Variants in SMARCC1 observed in about 807,000 individuals in gnomAD.
SMARCC1 encodes SWI/SNF complex subunit SMARCC1.
SMARCC1 carries 43 observed loss-of-function variants against 147.4 expected under a neutral mutation model. The observed-to-expected ratio is 0.29, with a 90% CI of 0.23 to 0.38. The LOEUF (loss-of-function observed/expected upper bound fraction) is 0.38. Among genes scored for constraint, SMARCC1 ranks in the 10% least tolerant of loss-of-function variants. The pLI is 1.00. For synonymous variants in SMARCC1, 495 were observed against 484.4 expected (o/e 1.02, Z -0.29); for missense variants, 1,119 against 1,381.1 (o/e 0.81, Z 3.01).
intron 21 of SMARCC1, among the ~76,000 whole-genome samples, chr3:47,642,159 A>G (rs1446556615): frequency 6.6e-6 from 1 of 152,232 alleles, no homozygotes. Flanking sequence ...GCAAAATGGA[A>G]GAAAACATGT....
At chr3:47,767,300 G>A (rs1328989021) in intron 2 of SMARCC1, among the ~76,000 whole-genome samples, 2 of 146,922 alleles carry the variant, frequency 1.4e-5, no homozygotes, top group East Asian at 2.1e-4. Flanking sequence ...AGTGCAATGG[G>A]CACAATCTCG....
chr3:47,588,028 A>C lies in SMARCC1; in HGVS notation c.*181T>G. 1.7e-6 allele frequency: 1 copy of C among 587,298 alleles called. No homozygotes were observed. Among genetic ancestry groups the C allele is most frequent in the Non-Finnish European group, 3.0e-6 (1 of 330,630 alleles). The allele number at this position is 587,298 out of a possible 1,614,324, so 36.4% of individuals were successfully genotyped here. ...GTTTCCCCTTGAGTGTTGGCTGAGG[A>C]CCCAACACAAAAAGTGTCAGAGAGA... On this transcript the variant is annotated 3_prime_UTR_variant, in exon 28 of 28. Coordinates refer to ENST00000254480, the MANE Select transcript of SMARCC1 (RefSeq NM_003074.4).
chr3:47,746,105 A>G (rs2034561557), intron 2 of SMARCC1, 112 bp from the exon 3 acceptor site: 2 of 594,030 alleles, frequency 3.4e-6, no homozygotes, highest in Non-Finnish European at 5.8e-6. Context: ...TAATTAAACA[A>G]CCTCCTTAAA....
At chr3:47,729,363 T>C (rs1278022451) in intron 5 of SMARCC1, among the ~76,000 whole-genome samples, 1 of 152,184 alleles carries the variant, frequency 6.6e-6, no homozygotes, top group African/African-American at 2.4e-5. Flanking sequence ...TGGGTATCCA[T>C]ATCAGTAATA....
chr3:47,699,873 C>A (rs748314116), intron 11 of SMARCC1, among the ~76,000 whole-genome samples: 1 of 151,860 alleles, frequency 6.6e-6, no homozygotes, highest in East Asian at 1.9e-4. Context: ...TTACAAATTT[C>A]TCAATAATGA....
intron 25 of SMARCC1, among the ~76,000 whole-genome samples, chr3:47,618,312 T>C (rs2032675452): frequency 6.6e-6 from 1 of 151,128 alleles, no homozygotes; most frequent in South Asian, 2.1e-4. Context: ...GAGGAGAAGG[T>C]AGGAGGACTG....
intron 9 of SMARCC1, among the ~76,000 whole-genome samples, chr3:47,710,211 G>A (rs1001974795): frequency 1.3e-5 from 2 of 152,076 alleles, no homozygotes; most frequent in African/African-American, 4.8e-5. Flanking sequence ...CAGCTACTTG[G>A]GAGGCTTGAG....
At chr3:47,670,618 A>C in intron 19 of SMARCC1, 40 bp downstream of exon 19, 1 of 1,216,356 alleles carries the variant, frequency 8.2e-7, no homozygotes. Context: ...TGCTAGTCAA[A>C]GAATCTTAGC....
chr3:47,778,212 A>C (rs13081541), intron 1 of SMARCC1, among the ~76,000 whole-genome samples: 58,836 of 117,572 alleles, frequency 0.5, 16,175 homozygotes, highest in East Asian at 0.63. Context: ...ACAAAAAACA[A>C]AAAACAAAAA....
chr3:47,730,186 TA>T (rs941543215), intron 5 of SMARCC1, among the ~76,000 whole-genome samples: 1 of 150,732 alleles, frequency 6.6e-6, no homozygotes, highest in East Asian at 1.9e-4. Context: ...AAATAAAAAA[TA>T]AAAAAAAAGT....
rs2034846211 is a variant in SMARCC1 at position 47,766,841 on chromosome 3, A to C, written c.315+5976T>G. 2.0e-5 allele frequency among the ~76,000 whole-genome samples: 3 copies of C among 152,146 alleles called. No individual in the cohort carries two copies. The South Asian group carries it at 6.2e-4, about 32-fold the overall frequency. ...TCTAAATCTCTCAGCATTTGATAGA[A>C]CAAGAGCCAGCTGTCCGACATCCAG... On this transcript the variant is annotated intron_variant, in intron 2 of 27. Transcript: ENST00000254480.
At chr3:47,624,841 G>A (rs758267847) in intron 24 of SMARCC1, among the ~76,000 whole-genome samples, 5 of 149,870 alleles carry the variant, frequency 3.3e-5, no homozygotes, top group Admixed American at 2.7e-4. Flanking sequence ...CAGAAGGCCA[G>A]GAGTTCAAAA....
chr3:47,718,735 G>C (rs2034192599), intron 7 of SMARCC1, among the ~76,000 whole-genome samples: 1 of 151,630 alleles, frequency 6.6e-6, no homozygotes, highest in Non-Finnish European at 1.5e-5. Context: ...AAAAAAAGTA[G>C]GTGAAAGAAG....
At chr3:47,663,460 T>C (rs2033378255) in intron 19 of SMARCC1, among the ~76,000 whole-genome samples, 1 of 152,006 alleles carries the variant, frequency 6.6e-6, no homozygotes, top group Non-Finnish European at 1.5e-5. Flanking sequence ...TAAAATAACA[T>C]AAAAGCTGGG....
At chr3:47,761,136 A>AAAGAG (rs1553691548) in intron 2 of SMARCC1, among the ~76,000 whole-genome samples, 3 of 149,890 alleles carry the variant, frequency 2.0e-5, no homozygotes, top group African/African-American at 7.4e-5. Context: ...CTGTCTAAAA[A>AAAGAG]AAAAGAAAAG....
chr3:47,668,030 T>C (rs1576405066), intron 19 of SMARCC1, among the ~76,000 whole-genome samples: 1 of 152,092 alleles, frequency 6.6e-6, no homozygotes, highest in South Asian at 2.1e-4. Flanking sequence ...TAAATAAATA[T>C]GTGCATATAT....
At chr3:47,691,578 C>A (rs2033789471) in intron 12 of SMARCC1, among the ~76,000 whole-genome samples, 1 of 151,992 alleles carries the variant, frequency 6.6e-6, no homozygotes, top group Non-Finnish European at 1.5e-5. Context: ...CACACTATTG[C>A]ACTCCAGGCT....
At chr3:47,644,699 G>C (rs1357518438) in intron 21 of SMARCC1, among the ~76,000 whole-genome samples, 1 of 152,036 alleles carries the variant, frequency 6.6e-6, no homozygotes, top group African/African-American at 2.4e-5. Context: ...GTAGAGACAG[G>C]GTTTCACCAG....
intron 25 of SMARCC1, among the ~76,000 whole-genome samples, chr3:47,620,736 G>C (rs185749269): frequency 9.4e-4 from 143 of 152,308 alleles, no homozygotes; most frequent in African/African-American, 3.3e-3. Flanking sequence ...ATAGGAGAGG[G>C]AAGAGAAGTG....
Sources: gnomAD v4.1 joint callset for allele counts (sites outside exome capture counted in the v4.1 genomes callset) on GRCh38, gnomAD v4.1.1 for gene constraint, MANE v1.5 for transcripts, NCBI Gene and HGNC (gene_info 2026-07-23, HGNC 2026-07-21) for gene names.